The following TEAD4 variants were observed in gnomAD, a reference collection of about 807,000 sequenced individuals.
TEAD4 encodes transcriptional enhancer factor TEF-3.
Under a neutral mutation model 52.4 loss-of-function variants are expected in TEAD4, and 36 were observed. The observed-to-expected ratio is 0.69, with a 90% CI of 0.53 to 0.91. TEAD4 has a LOEUF of 0.91. TEAD4 is among the 40% of genes least tolerant of loss of function. TEAD4 has a pLI of 0.00. For synonymous variants in TEAD4, 220 were observed against 231.0 expected (o/e 0.95, Z 0.43); for missense variants, 508 against 583.9 (o/e 0.87, Z 1.34).
intron 3 of TEAD4, among the ~76,000 whole-genome samples, chr12:3,002,421 A>G (rs1438990198): frequency 6.6e-6 from 1 of 152,170 alleles, no homozygotes; most frequent in Admixed American, 6.5e-5. Context: ...TTTTTGAGGA[A>G]CCACCAAACT....
At chr12:2,987,282 C>T (rs2098239276) in intron 2 of TEAD4, among the ~76,000 whole-genome samples, 1 of 152,132 alleles carries the variant, frequency 6.6e-6, no homozygotes, top group African/African-American at 2.4e-5. Context: ...AACCCAGGGA[C>T]ACATCTTTAT....
intron 3 of TEAD4, among the ~76,000 whole-genome samples, chr12:2,999,708 C>A (rs1187990089): frequency 1.3e-5 from 2 of 151,698 alleles, no homozygotes; most frequent in Non-Finnish European, 2.9e-5. Context: ...CGCTGGCCAC[C>A]CTGACCTCCT....
chr12:2,970,844 G>A (rs73246948), intron 2 of TEAD4, among the ~76,000 whole-genome samples: 3 of 152,196 alleles, frequency 2.0e-5, no homozygotes, highest in South Asian at 2.1e-4. Flanking sequence ...GAAATGCTCC[G>A]TCGTAAATTG....
At chr12:2,985,592 G>T (rs867729000) in intron 2 of TEAD4, among the ~76,000 whole-genome samples, 3 of 119,888 alleles carry the variant, frequency 2.5e-5, no homozygotes, top group African/African-American at 9.6e-5. Context: ...TGCAACCTCC[G>T]CCTCCCGGGT....
At chr12:2,979,168 G>A (rs111310044) in intron 2 of TEAD4, among the ~76,000 whole-genome samples, 5 of 152,202 alleles carry the variant, frequency 3.3e-5, no homozygotes, top group South Asian at 4.2e-4. Flanking sequence ...TGCCTGCCTC[G>A]GCCTCCCAAA....
At chr12:2,999,359 T>C (rs899773427) in intron 3 of TEAD4, among the ~76,000 whole-genome samples, 1 of 151,820 alleles carries the variant, frequency 6.6e-6, no homozygotes, top group Non-Finnish European at 1.5e-5. Context: ...CGGTGGGGTA[T>C]GGGGTGGGGC....
At chr12:2,966,625 C>A (rs1172608277) in intron 2 of TEAD4, among the ~76,000 whole-genome samples, 1 of 151,754 alleles carries the variant, frequency 6.6e-6, no homozygotes, top group African/African-American at 2.4e-5. Context: ...ATTGGTCAGA[C>A]TGGTTTCGAA....
chr12:2,980,818 T>G (rs1197837573), intron 2 of TEAD4, among the ~76,000 whole-genome samples: 1 of 151,506 alleles, frequency 6.6e-6, no homozygotes, highest in African/African-American at 2.4e-5. Context: ...CCCAGCAGTT[T>G]GGGAGGGCGA....
At chr12:3,040,304 T>C in intron 12 of TEAD4, 45 bp downstream of exon 12, 1 of 1,613,916 alleles carries the variant, frequency 6.2e-7, no homozygotes, top group African/African-American at 1.3e-5. Flanking sequence ...TGTGTGTGGG[T>C]AGCAGCCATG....
chr12:2,985,873 C>T (rs2098238034), intron 2 of TEAD4, among the ~76,000 whole-genome samples: 1 of 151,772 alleles, frequency 6.6e-6, no homozygotes. Context: ...ATCACTACGT[C>T]AGGAGTTCAA....
chr12:3,009,925 G>A (rs999148923), intron 3 of TEAD4, among the ~76,000 whole-genome samples: 1 of 152,186 alleles, frequency 6.6e-6, no homozygotes, highest in Non-Finnish European at 1.5e-5. Context: ...GTGCACTCTG[G>A]TTACAACCCA....
At chr12:2,976,781 T>C (rs74057729) in intron 2 of TEAD4, among the ~76,000 whole-genome samples, 26,948 of 151,952 alleles carry the variant, frequency 0.18, 3,676 homozygotes, top group African/African-American at 0.38. Context: ...CGCCACCCCA[T>C]TGCCGCCCGG....
chr12:2,962,346 A>ATATATT (rs1350931012), intron 2 of TEAD4, among the ~76,000 whole-genome samples: 69,368 of 127,480 alleles, frequency 0.54, 21,648 homozygotes, highest in Non-Finnish European at 0.69. Context: ...ATATATATAT[A>ATATATT]TTTTTTGAGA....
At chr12:2,995,200 G>A (rs1440577973) in intron 3 of TEAD4, among the ~76,000 whole-genome samples, 4 of 152,248 alleles carry the variant, frequency 2.6e-5, no homozygotes, top group Admixed American at 2.0e-4. Context: ...GGCCCCTGGC[G>A]GTGAGCAGAG....
At chr12:3,033,230 G>A (rs1472582642) in intron 10 of TEAD4, among the ~76,000 whole-genome samples, 1 of 152,172 alleles carries the variant, frequency 6.6e-6, no homozygotes, top group Non-Finnish European at 1.5e-5. Flanking sequence ...GCGCTGTGGT[G>A]GTCATTCATA....
At chr12:3,020,277 C>T (rs1022954408) in intron 8 of TEAD4, among the ~76,000 whole-genome samples, 15 of 152,214 alleles carry the variant, frequency 9.9e-5, no homozygotes, top group South Asian at 4.1e-4. Context: ...GTTATTTCCC[C>T]GACTGGAACA....
chr12:2,985,561 A>G (rs1446945230), intron 2 of TEAD4, among the ~76,000 whole-genome samples: 2 of 108,324 alleles, frequency 1.8e-5, no homozygotes, highest in Admixed American at 2.8e-4. Flanking sequence ...GCTGGAGTGT[A>G]GTGGCACGAT....
At chr12:3,030,675 G>A (rs1316897617) in intron 10 of TEAD4, among the ~76,000 whole-genome samples, 1 of 152,010 alleles carries the variant, frequency 6.6e-6, no homozygotes, top group Non-Finnish European at 1.5e-5. Flanking sequence ...TCTCTGGAAG[G>A]GGAAAAAATA....
chr12:3,000,115 A>G (rs1046378917), intron 3 of TEAD4, among the ~76,000 whole-genome samples: 15 of 152,074 alleles, frequency 9.9e-5, no homozygotes, highest in Admixed American at 7.9e-4. Context: ...CCACAACTTC[A>G]TGGTCTAATG....
Sources: allele counts gnomAD v4.1 joint callset (sites outside exome capture counted in the v4.1 genomes callset), GRCh38; gene constraint gnomAD v4.1.1; transcripts MANE v1.5; gene names NCBI Gene and HGNC (gene_info 2026-07-23, HGNC 2026-07-21).